OLFM3: variants seen among roughly 807,000 people sequenced by gnomAD.
OLFM3 encodes the protein noelin-3.
In OLFM3, 20 loss-of-function variants were observed where a neutral mutation model predicts 48.6. That is an observed-to-expected ratio of 0.41 (90% CI 0.29 to 0.60). The LOEUF is 0.60. OLFM3 is among the 20% of genes least tolerant of loss of function. The pLI, the probability that OLFM3 is intolerant of heterozygous loss-of-function variation, is 0.28. For missense variants in OLFM3, 437 were observed against 544.3 expected, an observed-to-expected ratio of 0.80 and a Z score of 1.96; for synonymous variants, 222 against 198.1, an observed-to-expected ratio of 1.12 and a Z score of -1.01.
At chr1:101,842,311 A>T (rs1169049294) in intron 1 of OLFM3, among the ~76,000 whole-genome samples, 2 of 152,160 alleles carry the variant, frequency 1.3e-5, no homozygotes, top group Non-Finnish European at 2.9e-5. Flanking sequence ...GGGCAGGTGG[A>T]TGGCTTGAGC....
At chr1:101,826,722 C>T (rs1251860391) in intron 3 of OLFM3, among the ~76,000 whole-genome samples, 1 of 152,162 alleles carries the variant, frequency 6.6e-6, no homozygotes, top group East Asian at 1.9e-4. Context: ...CAGTGCTTTG[C>T]TCATTTTGTC....
intron 1 of OLFM3, among the ~76,000 whole-genome samples, chr1:101,871,734 A>T (rs2100977111): frequency 6.6e-6 from 1 of 152,210 alleles, no homozygotes; most frequent in African/African-American, 2.4e-5. Context: ...ATACCATATA[A>T]ATATGATTTA....
intron 1 of OLFM3, among the ~76,000 whole-genome samples, chr1:101,939,694 G>A (rs1468184682): frequency 1.3e-5 from 2 of 152,168 alleles, no homozygotes; most frequent in Non-Finnish European, 2.9e-5. Flanking sequence ...ATGCAGGATT[G>A]AGGACATTGA....
At chr1:101,927,770 T>A (rs1391007122) in intron 1 of OLFM3, among the ~76,000 whole-genome samples, 2 of 149,170 alleles carry the variant, frequency 1.3e-5, no homozygotes, top group African/African-American at 4.9e-5. Flanking sequence ...TATAATATTC[T>A]AAAAATATTA....
chr1:101,964,183 A>T (rs1264756101), intron 1 of OLFM3, among the ~76,000 whole-genome samples: 1 of 152,156 alleles, frequency 6.6e-6, no homozygotes, highest in Admixed American at 6.6e-5. Context: ...TTGTATATGT[A>T]TGTGGAAGAA....
intron 1 of OLFM3, among the ~76,000 whole-genome samples, chr1:101,869,230 C>T (rs1656975914): frequency 6.6e-6 from 1 of 152,186 alleles, no homozygotes; most frequent in Admixed American, 6.5e-5. Context: ...CCCATGAAAA[C>T]AGGCTGAAGT....
chr1:101,989,067 T>A (rs1661328230), intron 1 of OLFM3, among the ~76,000 whole-genome samples: 1 of 152,040 alleles, frequency 6.6e-6, no homozygotes, highest in African/African-American at 2.4e-5. Flanking sequence ...ACTCTTGGGG[T>A]GCAAGGAATG....
At chr1:101,896,777 C>T (rs1392343085) in intron 1 of OLFM3, among the ~76,000 whole-genome samples, 2 of 151,028 alleles carry the variant, frequency 1.3e-5, no homozygotes, top group Non-Finnish European at 2.9e-5. Context: ...CACTCTTAAC[C>T]CATACAATAT....
At chr1:101,966,151 A>C (rs977213974) in intron 1 of OLFM3, among the ~76,000 whole-genome samples, 4 of 151,484 alleles carry the variant, frequency 2.6e-5, no homozygotes, top group Admixed American at 6.6e-5. Context: ...TATGTTTTTT[A>C]TTTTTCTTTT....
chr1:101,983,282 CT>C (rs1287306632), intron 1 of OLFM3, among the ~76,000 whole-genome samples: 1 of 152,138 alleles, frequency 6.6e-6, no homozygotes, highest in Admixed American at 6.5e-5. Context: ...ACTGGAATAT[CT>C]TTTCATTCTT....
intron 4 of OLFM3, among the ~76,000 whole-genome samples, chr1:101,810,875 G>T (rs796840508): frequency 1.3e-5 from 2 of 151,538 alleles, no homozygotes; most frequent in African/African-American, 4.8e-5. Flanking sequence ...ATTTACAGTG[G>T]TTAGTAAATG....
chr1:101,953,982 G>A (rs994635255), intron 1 of OLFM3, among the ~76,000 whole-genome samples: 1 of 151,974 alleles, frequency 6.6e-6, no homozygotes, highest in Admixed American at 6.6e-5. Flanking sequence ...AAGAATGTAA[G>A]GAAAATTATT....
chr1:101,849,037 A>C (rs572868101), intron 1 of OLFM3, among the ~76,000 whole-genome samples: 1 of 152,356 alleles, frequency 6.6e-6, no homozygotes, highest in Non-Finnish European at 1.5e-5. Context: ...GTAATTTTCC[A>C]GAGATGCAAA....
intron 1 of OLFM3, among the ~76,000 whole-genome samples, chr1:101,912,294 T>C (rs1658786355): frequency 6.6e-6 from 1 of 152,202 alleles, no homozygotes. Flanking sequence ...GTTTAACACT[T>C]TAAATCTCAA....
intron 1 of OLFM3, among the ~76,000 whole-genome samples, chr1:101,919,835 G>C (rs1290417505): frequency 3.3e-5 from 5 of 152,138 alleles, no homozygotes; most frequent in African/African-American, 1.2e-4. Context: ...ATCTCCAGGA[G>C]ACTCATAAAC....
chr1:101,873,989 T>C (rs1415711293), intron 1 of OLFM3, among the ~76,000 whole-genome samples: 1 of 151,926 alleles, frequency 6.6e-6, no homozygotes, highest in African/African-American at 2.4e-5. Context: ...TAAAATGTAA[T>C]ATGGCTTCAA....
At chr1:101,903,805 A>C (rs1026618526) in intron 1 of OLFM3, among the ~76,000 whole-genome samples, 1 of 152,048 alleles carries the variant, frequency 6.6e-6, no homozygotes, top group Non-Finnish European at 1.5e-5. Flanking sequence ...ACATTGTGAT[A>C]TTTTAAGCAG....
intron 1 of OLFM3, among the ~76,000 whole-genome samples, chr1:101,973,334 A>G (rs1040303878): frequency 6.6e-6 from 1 of 152,234 alleles, no homozygotes; most frequent in Non-Finnish European, 1.5e-5. Context: ...GCAGGAGAGC[A>G]TAGATGTTCC....
Position 101,923,491 on chromosome 1 carries a change from C to A in OLFM3, c.69+73257G>T, listed in dbSNP as rs1003178271. Among the ~76,000 whole-genome samples, 16 of 152,226 alleles carry A rather than the reference C, an allele frequency of 1.1e-4. No individual in the cohort carries two copies. In the East Asian group the frequency reaches 3.1e-3, roughly 29 times the overall value. On this transcript the variant is annotated intron_variant, in intron 1 of 5. Transcript: ENST00000370103. ...AAATAGGGATGTCTCAAGTTATATTCTTAGCTTCATCTTGCTAGTGGAGTA... is the reference window on the plus strand; with the variant it reads ...AAATAGGGATGTCTCAAGTTATATTATTAGCTTCATCTTGCTAGTGGAGTA...
Sources: allele counts gnomAD v4.1 joint callset (sites outside exome capture counted in the v4.1 genomes callset), GRCh38; gene constraint gnomAD v4.1.1; transcripts MANE v1.5; gene names NCBI Gene and HGNC (gene_info 2026-07-23, HGNC 2026-07-21).